PRSS23: variants seen among roughly 807,000 people sequenced by gnomAD.
PRSS23 encodes serine protease 23.
Under a neutral mutation model 34.7 loss-of-function variants are expected in PRSS23, and 25 were observed. That is an observed-to-expected ratio of 0.72 (90% CI 0.53 to 1.01). PRSS23 has a LOEUF of 1.01. PRSS23 is among the 50% of genes least tolerant of loss of function. PRSS23 has a pLI of 0.00. For missense variants in PRSS23, 445 were observed against 475.6 expected (o/e 0.94, Z 0.60); for synonymous variants, 176 against 186.6 (o/e 0.94, Z 0.46).
intron 1 of PRSS23, among the ~76,000 whole-genome samples, chr11:86,822,543 C>T (rs1465179776): frequency 6.6e-6 from 1 of 151,226 alleles, no homozygotes; most frequent in South Asian, 2.1e-4. Flanking sequence ...ATAGCTTGAG[C>T]CTGGGAGGTC....
intron 2 of PRSS23, among the ~76,000 whole-genome samples, chr11:86,922,573 C>A (rs1400232935): frequency 6.6e-6 from 1 of 152,198 alleles, no homozygotes; most frequent in East Asian, 1.9e-4. Flanking sequence ...AGTGCAGATA[C>A]AATACCTGGG....
intron 2 of PRSS23, among the ~76,000 whole-genome samples, chr11:86,859,690 C>G (rs1222806684): frequency 6.6e-6 from 1 of 151,862 alleles, no homozygotes; most frequent in Non-Finnish European, 1.5e-5. Flanking sequence ...CCCAATATCC[C>G]AGAAAGTGTA....
At chr11:86,943,596 C>G (rs1949220484) in intron 2 of PRSS23, among the ~76,000 whole-genome samples, 1 of 151,390 alleles carries the variant, frequency 6.6e-6, no homozygotes, top group African/African-American at 2.4e-5. Flanking sequence ...TGCACTCCAG[C>G]CTGGGTGACA....
intron 2 of PRSS23, chr11:86,947,235 AAC>A (rs1949251717): frequency 2.3e-5 from 4 of 171,020 alleles, no homozygotes; most frequent in South Asian, 2.8e-4. Context: ...ACAAACAAAC[AAC>A]AAAAAAAAGG....
At chr11:86,882,119 A>G (rs1001796773) in intron 2 of PRSS23, among the ~76,000 whole-genome samples, 4 of 152,058 alleles carry the variant, frequency 2.6e-5, no homozygotes, top group Admixed American at 6.6e-5. Flanking sequence ...TCCAATATTT[A>G]TTATTTACTT....
At chr11:86,919,465 CTCTT>C (rs1240950338) in intron 2 of PRSS23, among the ~76,000 whole-genome samples, 1 of 152,162 alleles carries the variant, frequency 6.6e-6, no homozygotes, top group Non-Finnish European at 1.5e-5. Flanking sequence ...TCTTCTCTCT[CTCTT>C]GTTTTTTTTC....
chr11:86,951,178 C>G (rs1239296167), intron 2 of PRSS23: 1 of 1,614,010 alleles, frequency 6.2e-7, no homozygotes. Flanking sequence ...CAGGCTTCAC[C>G]CAACCATTTC....
intron 2 of PRSS23, chr11:86,857,688 A>G (rs1948581806): frequency 1.7e-6 from 1 of 587,752 alleles, no homozygotes; most frequent in African/African-American, 1.9e-5. Flanking sequence ...TGTCTTCTAT[A>G]CATGCAAAAA....
At chr11:86,931,942 C>T (rs995937674) in intron 2 of PRSS23, among the ~76,000 whole-genome samples, 1 of 152,112 alleles carries the variant, frequency 6.6e-6, no homozygotes, top group African/African-American at 2.4e-5. Flanking sequence ...AATAAAATAA[C>T]ATGTATAAGA....
intron 2 of PRSS23, among the ~76,000 whole-genome samples, chr11:86,930,527 C>G (rs1949116981): frequency 6.6e-6 from 1 of 152,110 alleles, no homozygotes; most frequent in Non-Finnish European, 1.5e-5. Flanking sequence ...CGCGGCGGCT[C>G]ACGTCTGTAA....
At chr11:86,881,611 GT>G (rs1220605412) in intron 2 of PRSS23, among the ~76,000 whole-genome samples, 2 of 152,090 alleles carry the variant, frequency 1.3e-5, no homozygotes, top group South Asian at 2.1e-4. Flanking sequence ...CAAAGAATGT[GT>G]TAGCCTCATA....
chr11:86,857,395 A>C (rs1326714500), intron 2 of PRSS23: 1 of 276,584 alleles, frequency 3.6e-6, no homozygotes, highest in Non-Finnish European at 7.0e-6. Context: ...AAATATAGGG[A>C]TATCTAAAAT....
intron 2 of PRSS23, among the ~76,000 whole-genome samples, chr11:86,845,183 A>G (rs1044430059): frequency 6.6e-6 from 1 of 152,160 alleles, no homozygotes; most frequent in Non-Finnish European, 1.5e-5. Flanking sequence ...TAATTAACAT[A>G]GATTTTTACT....
intron 2 of PRSS23, among the ~76,000 whole-genome samples, chr11:86,906,666 A>G (rs945895263): frequency 1.3e-5 from 2 of 152,196 alleles, no homozygotes; most frequent in African/African-American, 4.8e-5. Flanking sequence ...CTGCTGCCCA[A>G]AATAACACTG....
At chr11:86,843,525 G>C (rs1291133295) in intron 2 of PRSS23, among the ~76,000 whole-genome samples, 2 of 152,076 alleles carry the variant, frequency 1.3e-5, no homozygotes, top group Admixed American at 6.5e-5. Flanking sequence ...CTATCCATCT[G>C]ACAAAGGGCT....
chr11:86,856,308 A>G (rs1948570589), intron 2 of PRSS23, among the ~76,000 whole-genome samples: 1 of 147,464 alleles, frequency 6.8e-6, no homozygotes, highest in South Asian at 2.2e-4. Flanking sequence ...CATCATTGAA[A>G]CAGTCTCTGG....
intron 2 of PRSS23, among the ~76,000 whole-genome samples, chr11:86,845,290 A>C (rs1480587067): frequency 2.0e-5 from 3 of 152,244 alleles, no homozygotes; most frequent in Non-Finnish European, 4.4e-5. Flanking sequence ...GTACTTACTT[A>C]GATAAGGACA....
Position 86,879,396 on chromosome 11 carries a change from C to T in PRSS23, c.206+55803C>T, listed in dbSNP as rs572414698. Among the ~76,000 whole-genome samples the T allele has an allele frequency of 6.8e-3, 1,026 of 151,944 alleles. 11 individuals are homozygous for T. The highest frequency in any genetic ancestry group is 0.024 in the African/African-American group (996 of 41,458). Reference sequence around the variant, plus strand: ...GAGCCCCTCCGCCCGGCAGCCACCCCGTCTGGGAAGTGAGGAGTGTCTCTG... The same window carrying T: ...GAGCCCCTCCGCCCGGCAGCCACCCTGTCTGGGAAGTGAGGAGTGTCTCTG... On this transcript the variant is annotated intron_variant, in intron 2 of 2. Transcript: ENST00000533902.
At chr11:86,943,025 GA>G (rs1223802064) in intron 2 of PRSS23, among the ~76,000 whole-genome samples, 1 of 152,212 alleles carries the variant, frequency 6.6e-6, no homozygotes, top group African/African-American at 2.4e-5. Flanking sequence ...ATGGGAAAGA[GA>G]AAAAATCAGT....
Sources: allele counts gnomAD v4.1 joint callset (sites outside exome capture counted in the v4.1 genomes callset), GRCh38; gene constraint gnomAD v4.1.1; transcripts MANE v1.5; gene names NCBI Gene and HGNC (gene_info 2026-07-23, HGNC 2026-07-21).